The following KLHL13 variants were observed in gnomAD, a reference collection of about 807,000 sequenced individuals.
The protein encoded by KLHL13 is kelch-like protein 13.
KLHL13 carries 10 observed loss-of-function variants against 37.1 expected under a neutral mutation model. The observed-to-expected ratio is 0.27, with a 90% CI of 0.17 to 0.46. The LOEUF (loss-of-function observed/expected upper bound fraction) is 0.46, where lower values mean the gene tolerates loss of function less well. Among genes scored for constraint, KLHL13 ranks in the 20% least tolerant of loss-of-function variants. The probability of loss-of-function intolerance (pLI) is 1.00; values close to 1 mark genes in which losing one functional copy is unlikely to be tolerated. For missense variants in KLHL13, 360 were observed against 509.3 expected (o/e 0.71, Z 2.82); for synonymous variants, 163 against 181.2 (o/e 0.90, Z 0.81).
chrX:118,061,648 A>G (rs1239808272), intron 1 of KLHL13, among the ~76,000 whole-genome samples: 1 of 111,743 alleles, frequency 8.9e-6, no homozygotes, highest in Non-Finnish European at 1.9e-5. Context: ...TGTTGAAAAG[A>G]GTTTAGTATA....
chrX:117,968,582 TA>T (rs923377970), intron 1 of KLHL13, among the ~76,000 whole-genome samples: 1 of 111,636 alleles, frequency 9.0e-6, no homozygotes, highest in Non-Finnish European at 1.9e-5. Context: ...GCATAAGTAA[TA>T]AAAACAAAAT....
intron 1 of KLHL13, among the ~76,000 whole-genome samples, chrX:118,026,131 T>C (rs771278439): frequency 9.0e-6 from 1 of 111,694 alleles, no homozygotes; most frequent in East Asian, 2.8e-4. Context: ...ATCTGTCAAG[T>C]AACAGTAACT....
intron 4 of KLHL13, among the ~76,000 whole-genome samples, chrX:117,917,805 T>C (rs1203186586): frequency 8.0e-5 from 9 of 112,013 alleles, no homozygotes; most frequent in Non-Finnish European, 1.7e-4. Flanking sequence ...AAAGAAATCA[T>C]GGCACTTTCC....
rs1356925353 is a variant in KLHL13, at chrX:118,028,419, T to A, written c.-55-82844A>T. The A allele has an allele frequency of 3.7e-6, 4 of 1,090,366 alleles. 1 individual carries two copies. The highest frequency in any genetic ancestry group is 3.3e-5 in the East Asian group (1 of 30,309). 89.9% of individuals were successfully genotyped at this position (1,090,366 alleles called of 1,213,427 possible). On this transcript the variant is annotated intron_variant, in intron 1 of 6. Coordinates refer to the KLHL13 transcript ENST00000371882. ...ATATAAGTTAAACTATTTCCATAAA[T>A]ATACCGGTTACGAAGTATTGCAGCA... is the stretch of plus-strand genomic sequence containing the variant.
chrX:118,111,112 T>C (rs1187346976), intron 1 of KLHL13, among the ~76,000 whole-genome samples: 2 of 112,796 alleles, frequency 1.8e-5, no homozygotes, highest in South Asian at 3.7e-4. Context: ...CAACATACTA[T>C]GTGCAAGGCC....
chrX:117,996,873 T>C lies in KLHL13; in HGVS notation c.-55-51298A>G, dbSNP rs376831811. ...TACATGTGCTATGCTCACATATTAT[T>C]TGCCAAAGAAACAGGACATTTCCAT... On this transcript the variant is annotated intron_variant, in intron 1 of 6. Transcript: ENST00000371882. 1.7e-4 allele frequency among the ~76,000 whole-genome samples: 19 copies of C among 110,610 alleles called. No individual in the cohort carries two copies. The East Asian group carries it at 2.5e-3, about 15-fold the overall frequency.
intron 1 of KLHL13, among the ~76,000 whole-genome samples, chrX:117,991,489 T>C (rs2053789570): frequency 9.0e-6 from 1 of 111,511 alleles, no homozygotes; most frequent in Non-Finnish European, 1.9e-5. Flanking sequence ...GGTTTCATCA[T>C]CTTAAGCTTT....
chrX:117,971,860 T>C (rs2053527960), intron 1 of KLHL13, among the ~76,000 whole-genome samples: 2 of 111,697 alleles, frequency 1.8e-5, no homozygotes, highest in Admixed American at 1.9e-4. Context: ...AAAATAACAC[T>C]CAAATTTAAA....
At chrX:118,114,666 A>G (rs2055448667) in intron 1 of KLHL13, among the ~76,000 whole-genome samples, 1 of 112,110 alleles carries the variant, frequency 8.9e-6, no homozygotes, top group African/African-American at 3.2e-5. Flanking sequence ...TTTTTAATAA[A>G]CCTCAAGTAA....
Position 117,930,230 on chromosome X carries a change from AAGGAAGGAAGGG to A in KLHL13, c.241-9872_241-9861del, listed in dbSNP as rs1475801303. Among the ~76,000 whole-genome samples the A allele has an allele frequency of 3.6e-3, 307 of 84,835 alleles. 3 individuals carry two copies. Among genetic ancestry groups the A allele is most frequent in the African/African-American group, 0.014 (261 of 18,675 alleles). 73.7% of individuals were successfully genotyped at this position (84,835 alleles called of 115,157 possible). On this transcript the variant is annotated intron_variant, in intron 2 of 6. Coordinates refer to ENST00000262820, the Ensembl canonical transcript of KLHL13. ...GATGAAAAGGAAGAAGGAAGGAAGG[AAGGAAGGAAGGG>A]AGGAAGGAAGGAAGGAAGGAAGGAA... is the stretch of plus-strand genomic sequence containing the variant.
intron 1 of KLHL13, among the ~76,000 whole-genome samples, chrX:118,110,672 C>T (rs2055401481): frequency 1.8e-5 from 2 of 111,426 alleles, no homozygotes; most frequent in African/African-American, 3.3e-5. Flanking sequence ...CCACCATGCC[C>T]GGCCTTCTCT....
intron 2 of KLHL13, among the ~76,000 whole-genome samples, chrX:117,927,320 G>A (rs760184274): frequency 1.8e-5 from 2 of 112,302 alleles, no homozygotes; most frequent in East Asian, 5.6e-4. Flanking sequence ...CAAGGCATTG[G>A]TAGCAAGAGG....
At chrX:118,084,317 C>A (rs1332925512) in intron 1 of KLHL13, among the ~76,000 whole-genome samples, 1 of 111,077 alleles carries the variant, frequency 9.0e-6, no homozygotes, top group Non-Finnish European at 1.9e-5. Context: ...GACCCTGTCT[C>A]AAAAAAGAAA....
At chrX:118,036,942 C>A in intron 1 of KLHL13, among the ~76,000 whole-genome samples, 1 of 94,119 alleles carries the variant, frequency 1.1e-5, no homozygotes, top group South Asian at 5.7e-4. Flanking sequence ...AGGACATGAA[C>A]AGACACTTCT....
chrX:118,035,817 A>G (rs2054430897), intron 1 of KLHL13, among the ~76,000 whole-genome samples: 1 of 105,204 alleles, frequency 9.5e-6, no homozygotes, highest in African/African-American at 3.8e-5. Context: ...CTGTTTGCAG[A>G]CGACATGATT....
chrX:118,089,159 C>T (rs2055087913), intron 1 of KLHL13, among the ~76,000 whole-genome samples: 1 of 111,350 alleles, frequency 9.0e-6, no homozygotes, highest in Non-Finnish European at 1.9e-5. Context: ...AGTGGGAATC[C>T]TAGACTTCCA....
At chrX:117,955,052 G>A (rs1933834807) in intron 1 of KLHL13, among the ~76,000 whole-genome samples, 1 of 111,809 alleles carries the variant, frequency 8.9e-6, no homozygotes, top group Non-Finnish European at 1.9e-5. Context: ...AAATCAAAAA[G>A]CACGTTAAGA....
chrX:117,972,747 G>C, exon 1 of KLHL13: 1 of 1,205,935 alleles, frequency 8.3e-7, no homozygotes, highest in Non-Finnish European at 1.1e-6. Context: ...GCTGGAGAAA[G>C]TGGAGTTGAC....
At chrX:117,918,071 C>G (rs1287539041) in intron 4 of KLHL13, among the ~76,000 whole-genome samples, 1 of 111,520 alleles carries the variant, frequency 9.0e-6, no homozygotes, top group East Asian at 2.8e-4. Context: ...AATTTAGCAC[C>G]TAAATTCAGT....
Sources: gnomAD v4.1 joint callset for allele counts (sites outside exome capture counted in the v4.1 genomes callset) on GRCh38, gnomAD v4.1.1 for gene constraint, MANE v1.5 for transcripts, NCBI Gene and HGNC (gene_info 2026-07-23, HGNC 2026-07-21) for gene names.